The following ARHGAP31 variants were observed in gnomAD, a reference collection of about 807,000 sequenced individuals.
ARHGAP31 encodes the protein rho GTPase-activating protein 31.
ARHGAP31 carries 34 observed loss-of-function variants against 113.9 expected under a neutral mutation model. The ratio of observed to expected loss-of-function variants is 0.30; its 90% CI spans 0.23 to 0.40. ARHGAP31 has a LOEUF of 0.40. Among genes scored for constraint, ARHGAP31 ranks in the 10% least tolerant of loss-of-function variants. The pLI, the probability that ARHGAP31 is intolerant of heterozygous loss-of-function variation, is 1.00. For missense variants in ARHGAP31, 1,548 were observed against 1,767.1 expected, an observed-to-expected ratio of 0.88 and a Z score of 2.22; for synonymous variants, 650 against 684.8, an observed-to-expected ratio of 0.95 and a Z score of 0.79.
chr3:119,323,940 G>T (rs1282463035), intron 1 of ARHGAP31, among the ~76,000 whole-genome samples: 1 of 152,092 alleles, frequency 6.6e-6, no homozygotes, highest in Non-Finnish European at 1.5e-5. Flanking sequence ...TTCCTGCTGG[G>T]AATAAGAAGG....
At chr3:119,386,138 A>T (rs992605398) in intron 6 of ARHGAP31, among the ~76,000 whole-genome samples, 14 of 152,214 alleles carry the variant, frequency 9.2e-5, no homozygotes, top group Admixed American at 7.8e-4. Flanking sequence ...GACTTCAATA[A>T]ATTGCCATAC....
At position 119,295,630 on chromosome 3, in the gene ARHGAP31, T is replaced by C. The variant is rs145545203; in HGVS notation, c.100+626T>C. 4.6e-3 allele frequency among the ~76,000 whole-genome samples: 700 copies of C among 152,160 alleles called. 16 individuals carry two copies. Among genetic ancestry groups the C allele is most frequent in the Admixed American group, 0.035 (528 of 15,276 alleles). On this transcript the variant is annotated intron_variant, in intron 1 of 11. Transcript: ENST00000264245. ...CAAGACCTTTTCCCTCCTCTTGGCT[T>C]TCAGATTAACATTTGGTGTGTCAGA...
chr3:119,359,719 G>A (rs952670741), intron 1 of ARHGAP31, among the ~76,000 whole-genome samples: 1 of 152,104 alleles, frequency 6.6e-6, no homozygotes, highest in Admixed American at 6.5e-5. Flanking sequence ...CTGGCAGAGA[G>A]AGCTCTTGGA....
chr3:119,390,721 G>A, intron 6 of ARHGAP31, 64 bp from the exon 7 acceptor site: 2 of 1,533,902 alleles, frequency 1.3e-6, no homozygotes, highest in Non-Finnish European at 1.8e-6. Flanking sequence ...CTGTGGATGG[G>A]GAATCTGGAT....
chr3:119,337,117 T>G (rs1343955667), intron 1 of ARHGAP31, among the ~76,000 whole-genome samples: 2 of 152,212 alleles, frequency 1.3e-5, no homozygotes, highest in African/African-American at 4.8e-5. Context: ...TGTCCAGAAT[T>G]GGTGAGCTCT....
intron 3 of ARHGAP31, among the ~76,000 whole-genome samples, chr3:119,369,990 G>A (rs945150684): frequency 2.6e-5 from 4 of 151,862 alleles, no homozygotes; most frequent in Non-Finnish European, 2.9e-5. Context: ...ATAGTCCAAA[G>A]CACATTAAAA....
intron 6 of ARHGAP31, among the ~76,000 whole-genome samples, chr3:119,388,538 C>T (rs111452115): frequency 0.01 from 1,556 of 151,886 alleles, 8 homozygotes; most frequent in Non-Finnish European, 0.017. Context: ...AGGCTGGAAG[C>T]GGGGAGACCA....
chr3:119,327,359 C>A (rs1051467287), intron 1 of ARHGAP31, among the ~76,000 whole-genome samples: 10 of 152,042 alleles, frequency 6.6e-5, no homozygotes, highest in East Asian at 5.8e-4. Flanking sequence ...GCCTGGCCGA[C>A]ATGGTGAAAC....
Position 119,383,120 on chromosome 3 carries a change from T to C in ARHGAP31, c.576T>C (p.Asp192=). Residue 192 remains aspartate, a synonymous_variant, in exon 6 of 12, where the codon GAT becomes GAC. Coordinates refer to ENST00000264245, the MANE Select transcript of ARHGAP31 (RefSeq NM_020754.4). ...TTGAAGCCACTGGTTGCAATGGAGA[T>C]GCAGCCTTCCTTGCAGTCCGGGTCC... The part of the protein sequence containing the change: ...KEIEATGCNG[D]AAFLAVRVQQ... 2 of 1,614,228 alleles carry C rather than the reference T, an allele frequency of 1.2e-6. No individual in the cohort carries two copies. The highest frequency in any genetic ancestry group is 2.2e-5 in the East Asian group (1 of 44,892).
chr3:119,295,285 AG>A (rs2079523088), intron 1 of ARHGAP31, among the ~76,000 whole-genome samples: 2 of 151,700 alleles, frequency 1.3e-5, no homozygotes, highest in Non-Finnish European at 2.9e-5. Flanking sequence ...GGGCCACCTC[AG>A]GGGATGGGGG....
At chr3:119,381,678 G>A (rs938249839) in intron 4 of ARHGAP31, among the ~76,000 whole-genome samples, 25 of 152,260 alleles carry the variant, frequency 1.6e-4, no homozygotes, top group African/African-American at 5.5e-4. Context: ...TTGAAAGGAC[G>A]AACAAATGGC....
At chr3:119,386,351 C>T (rs919869005) in intron 6 of ARHGAP31, among the ~76,000 whole-genome samples, 5 of 152,208 alleles carry the variant, frequency 3.3e-5, no homozygotes, top group African/African-American at 9.6e-5. Flanking sequence ...ATCCAAGGGC[C>T]GGTAGATTCA....
At chr3:119,360,968 G>T (rs1392986913) in intron 1 of ARHGAP31, among the ~76,000 whole-genome samples, 1 of 152,168 alleles carries the variant, frequency 6.6e-6, no homozygotes. Flanking sequence ...GACCTCCAGC[G>T]TCAGTCCTTC....
At chr3:119,395,169 T>C (rs958544971) in intron 8 of ARHGAP31, among the ~76,000 whole-genome samples, 23 of 152,228 alleles carry the variant, frequency 1.5e-4, no homozygotes, top group African/African-American at 5.5e-4. Flanking sequence ...ATAATATTTT[T>C]AACGACTTTC....
At chr3:119,383,611 G>A (rs729411) in intron 6 of ARHGAP31, among the ~76,000 whole-genome samples, 76,671 of 152,028 alleles carry the variant, frequency 0.5, 19,843 homozygotes, top group African/African-American at 0.64. Context: ...TACTTTCACT[G>A]TATTTCAGAA....
Position 119,294,433 on chromosome 3 carries a change from C to A in ARHGAP31, c.-472C>A. 1 of 404,462 alleles carries A rather than the reference C, an allele frequency of 2.5e-6. No individual in the cohort carries two copies. The highest frequency in any genetic ancestry group is 1.2e-4 in the South Asian group (1 of 8,242). The allele number at this position is 404,462 out of a possible 1,614,324, so 25.1% of individuals were successfully genotyped here. A position where few individuals can be genotyped will look rare whatever the true frequency, so the allele number is the denominator to read the frequency against. On this transcript the variant is annotated 5_prime_UTR_variant, in exon 1 of 12. Coordinates refer to ENST00000264245, the MANE Select transcript of ARHGAP31 (RefSeq NM_020754.4). The stretch of plus-strand genomic sequence containing the variant: ...ACAGGATGCTTGTTTTTCGCTCTAC[C>A]AAAGTCGTCTGAAGGCGAGACAGCG...
chr3:119,386,542 T>C (rs2080449999), intron 6 of ARHGAP31, among the ~76,000 whole-genome samples: 1 of 152,200 alleles, frequency 6.6e-6, no homozygotes, highest in African/African-American at 2.4e-5. Flanking sequence ...ATTGCTTTTG[T>C]AGGGACCAGC....
At chr3:119,387,874 CAT>C (rs1266023737) in intron 6 of ARHGAP31, among the ~76,000 whole-genome samples, 2 of 152,146 alleles carry the variant, frequency 1.3e-5, no homozygotes, top group African/African-American at 4.8e-5. Flanking sequence ...AAGAAGAAAA[CAT>C]AGCAGAGTAA....
chr3:119,412,018 A>G (rs563210872), intron 11 of ARHGAP31, among the ~76,000 whole-genome samples: 1 of 152,314 alleles, frequency 6.6e-6, no homozygotes, highest in Non-Finnish European at 1.5e-5. Context: ...TACTTTCACA[A>G]AGGCCTGTGC....
Sources: gnomAD v4.1 joint callset for allele counts (sites outside exome capture counted in the v4.1 genomes callset) on GRCh38, gnomAD v4.1.1 for gene constraint, MANE v1.5 for transcripts, NCBI Gene and HGNC (gene_info 2026-07-23, HGNC 2026-07-21) for gene names.